Variants in CAMKMT observed in about 807,000 individuals in gnomAD.
CAMKMT encodes CaM KMT.
Under a neutral mutation model 48.0 loss-of-function variants are expected in CAMKMT, and 53 were observed. The observed-to-expected ratio is 1.10, with a 90% CI of 0.89 to 1.39. The LOEUF (loss-of-function observed/expected upper bound fraction) is 1.39. CAMKMT is among the 40% of genes most tolerant of loss of function. CAMKMT has a pLI of 0.00. For missense variants in CAMKMT, 428 were observed against 402.7 expected (o/e 1.06, Z -0.54); for synonymous variants, 165 against 152.3 (o/e 1.08, Z -0.61).
chr2:44,703,215 AAAAAATT>A (rs1392835854), intron 3 of CAMKMT, among the ~76,000 whole-genome samples: 1 of 152,170 alleles, frequency 6.6e-6, no homozygotes, highest in Non-Finnish European at 1.5e-5. Context: ...AGCATAAAGA[AAAAAATT>A]AAAAACACTT....
Position 44,419,067 on chromosome 2 carries a change from A to G in CAMKMT, c.376+28762A>G, listed in dbSNP as rs140064512. ...GTTGCTAGAAATCAGTTATTGAAAC[A>G]AGGAAATATATTTCAAGCTAAATTA... On this transcript the variant is annotated intron_variant, in intron 3 of 10. Transcript: ENST00000378494. Among the ~76,000 whole-genome samples the G allele has an allele frequency of 4.8e-3, 733 of 152,326 alleles. 8 individuals are homozygous for G. Among genetic ancestry groups the G allele is most frequent in the African/African-American group, 0.017 (695 of 41,558 alleles).
chr2:44,429,496 A>G (rs895148780), intron 3 of CAMKMT, among the ~76,000 whole-genome samples: 1 of 152,148 alleles, frequency 6.6e-6, no homozygotes, highest in African/African-American at 2.4e-5. Flanking sequence ...TAATGGAGCT[A>G]CTAATGACTC....
At chr2:44,646,210 C>G (rs1304687150) in intron 3 of CAMKMT, among the ~76,000 whole-genome samples, 1 of 152,122 alleles carries the variant, frequency 6.6e-6, no homozygotes, top group Non-Finnish European at 1.5e-5. Flanking sequence ...AAGCTATTAA[C>G]AGTTTAGCAT....
chr2:44,668,739 ACT>A, intron 3 of CAMKMT, among the ~76,000 whole-genome samples: 1 of 148,840 alleles, frequency 6.7e-6, no homozygotes, highest in East Asian at 2.0e-4. Context: ...TTAAGTAACC[ACT>A]CTCTCAAATT....
intron 7 of CAMKMT, among the ~76,000 whole-genome samples, chr2:44,739,139 A>G (rs1386369149): frequency 6.6e-6 from 1 of 152,198 alleles, no homozygotes; most frequent in Non-Finnish European, 1.5e-5. Context: ...GAAGAGAGAA[A>G]AGGCTCATGA....
chr2:44,742,589 G>A (rs1410296081), intron 7 of CAMKMT, among the ~76,000 whole-genome samples: 1 of 152,104 alleles, frequency 6.6e-6, no homozygotes, highest in African/African-American at 2.4e-5. Flanking sequence ...AACAACTGCT[G>A]CCCAGCGTGT....
intron 6 of CAMKMT, among the ~76,000 whole-genome samples, chr2:44,711,747 G>A (rs542388704): frequency 9.2e-5 from 14 of 152,260 alleles, no homozygotes; most frequent in African/African-American, 2.9e-4. Flanking sequence ...ATGAATTGAC[G>A]TGAATTGGGC....
At chr2:44,726,969 T>C (rs988020589) in intron 7 of CAMKMT, among the ~76,000 whole-genome samples, 3 of 152,206 alleles carry the variant, frequency 2.0e-5, no homozygotes, top group African/African-American at 4.8e-5. Flanking sequence ...TCTGTTCCAT[T>C]GGTCTATGTG....
At chr2:44,597,718 CTTA>C (rs1269131764) in intron 3 of CAMKMT, among the ~76,000 whole-genome samples, 1 of 151,952 alleles carries the variant, frequency 6.6e-6, no homozygotes, top group Non-Finnish European at 1.5e-5. Context: ...TATATGCTTC[CTTA>C]TTATTTTTTG....
At chr2:44,752,075 A>C (rs1018312665) in intron 8 of CAMKMT, among the ~76,000 whole-genome samples, 2 of 151,986 alleles carry the variant, frequency 1.3e-5, no homozygotes, top group African/African-American at 4.8e-5. Flanking sequence ...CAAGATTTGG[A>C]GGGGAGAAAC....
chr2:44,772,178 G>A lies in CAMKMT; in HGVS notation c.*65G>A. On this transcript the variant is annotated 3_prime_UTR_variant, in exon 11 of 11. Coordinates refer to ENST00000378494, the MANE Select transcript of CAMKMT (RefSeq NM_024766.5). ...CATAGGGAATATTTTTACAAAAACG[G>A]AAATCTGTAAGGGGTATAATCGCCT... 7.0e-7 allele frequency: 1 copy of A among 1,427,676 alleles called. No individual in the cohort carries two copies. The highest frequency in any genetic ancestry group is 9.8e-7 in the Non-Finnish European group (1 of 1,018,140). 88.4% of individuals were successfully genotyped at this position (1,427,676 alleles called of 1,614,324 possible).
At chr2:44,673,512 A>AGGAAGGAAGGAG (rs1553435788) in intron 3 of CAMKMT, among the ~76,000 whole-genome samples, 2 of 115,260 alleles carry the variant, frequency 1.7e-5, no homozygotes, top group African/African-American at 7.1e-5. Flanking sequence ...GAAGGAAGGA[A>AGGAAGGAAGGAG]GGAAGGAAGG....
At chr2:44,582,102 T>C (rs986246228) in intron 3 of CAMKMT, among the ~76,000 whole-genome samples, 2 of 152,278 alleles carry the variant, frequency 1.3e-5, no homozygotes, top group Non-Finnish European at 2.9e-5. Flanking sequence ...CCTTGTACTT[T>C]AGGATCATTC....
chr2:44,556,893 A>G (rs1016062108), intron 3 of CAMKMT, among the ~76,000 whole-genome samples: 1 of 152,140 alleles, frequency 6.6e-6, no homozygotes, highest in Non-Finnish European at 1.5e-5. Context: ...GCCTGGCAAG[A>G]TAATGAGACC....
chr2:44,441,548 A>C (rs921865079), intron 3 of CAMKMT, among the ~76,000 whole-genome samples: 12 of 152,000 alleles, frequency 7.9e-5, no homozygotes, highest in Non-Finnish European at 1.5e-4. Context: ...AGACTGCGCT[A>C]TCTTAGGGTA....
chr2:44,596,760 C>T (rs983384517), intron 3 of CAMKMT, among the ~76,000 whole-genome samples: 2 of 152,168 alleles, frequency 1.3e-5, no homozygotes, highest in African/African-American at 4.8e-5. Flanking sequence ...GTGGAAATCT[C>T]ACCCCGAGAA....
intron 3 of CAMKMT, among the ~76,000 whole-genome samples, chr2:44,561,405 T>G (rs1668317349): frequency 1.3e-5 from 2 of 152,216 alleles, no homozygotes; most frequent in Non-Finnish European, 2.9e-5. Flanking sequence ...TTGTGTTTGA[T>G]TTTTACATAG....
chr2:44,682,684 T>C (rs1227586463), intron 3 of CAMKMT, among the ~76,000 whole-genome samples: 1 of 152,144 alleles, frequency 6.6e-6, no homozygotes, highest in Non-Finnish European at 1.5e-5. Flanking sequence ...AATACCAAAG[T>C]GGAGATTTCA....
chr2:44,540,613 T>A (rs1230840536), intron 3 of CAMKMT, among the ~76,000 whole-genome samples: 1 of 151,966 alleles, frequency 6.6e-6, no homozygotes, highest in Non-Finnish European at 1.5e-5. Context: ...TAGCCGGACA[T>A]GGTGGTACAT....
Sources: allele counts gnomAD v4.1 joint callset (sites outside exome capture counted in the v4.1 genomes callset), GRCh38; gene constraint gnomAD v4.1.1; transcripts MANE v1.5; gene names NCBI Gene and HGNC (gene_info 2026-07-23, HGNC 2026-07-21).